OR10G7: variants seen among roughly 807,000 people sequenced by gnomAD.
OR10G7 encodes the protein olfactory receptor 10G7.
For missense variants in OR10G7, 338 were observed against 382.1 expected (o/e 0.88, Z 0.96); for synonymous variants, 165 against 167.4 (o/e 0.99, Z 0.11).
In OR10G7 at chr11:124,037,410, T is replaced by C. The variant is rs559642776; in HGVS notation, c.*656A>G. On this transcript the variant is annotated 3_prime_UTR_variant, in exon 2 of 2. Coordinates refer to ENST00000641585, the MANE Select transcript of OR10G7 (RefSeq NM_001004463.2). ...GATAAGAGATTGGCAGCTCCACAAA[T>C]ATGGAAGGAAAGTCTAGATAGTTGT... 2.4e-4 allele frequency: 36 copies of C among 151,770 alleles called. No homozygotes were observed. Among genetic ancestry groups the C allele is most frequent in the African/African-American group, 8.5e-4 (35 of 41,086 alleles). 9.4% of individuals were successfully genotyped at this position (151,770 alleles called of 1,614,324 possible). A position where few individuals can be genotyped will look rare whatever the true frequency, so the allele number is the denominator to read the frequency against.
Position 124,038,080 on chromosome 11 carries a change from C to G in OR10G7, c.922G>C (p.Ala308Pro), listed in dbSNP as rs1299580339. Residue 308 changes from alanine (A) to proline (P), a missense_variant, in exon 2 of 2, where the codon GCT becomes CCT. Physicochemically the swap from Ala to Pro is conservative, Grantham distance 27. Coordinates refer to ENST00000641585, the MANE Select transcript of OR10G7 (RefSeq NM_001004463.2). Reference protein sequence around the residue: ...LLKLKNGSVFAQGE With the variant: ...LLKLKNGSVFPQGE ...GCCTTTCTTAACTATTCACCCTGAG[C>G]AAATACTGACCCATTTTTCAGCTTC... 2 of 1,610,840 alleles carry G rather than the reference C, an allele frequency of 1.2e-6. No homozygotes were observed. Among genetic ancestry groups the G allele is most frequent in the African/African-American group, 2.7e-5 (2 of 74,564 alleles).
chr11:124,036,145 T>TGC lies in OR10G7; in HGVS notation c.*1919_*1920dup. ...CAGTTGTGATATTGCACTACAATTT[T>TGC]GCTAACTGTTACCATTGGGGGAAAC... On this transcript the variant is annotated 3_prime_UTR_variant, in exon 2 of 2. Transcript: ENST00000641585. The TGC allele has an allele frequency of 6.6e-6, 1 of 152,356 alleles. No homozygotes were observed. Among genetic ancestry groups the TGC allele is most frequent in the Non-Finnish European group, 1.5e-5 (1 of 68,034 alleles). 9.4% of individuals were successfully genotyped at this position (152,356 alleles called of 1,614,324 possible). A position where few individuals can be genotyped will look rare whatever the true frequency, so the allele number is the denominator to read the frequency against.
chr11:124,040,319 A>T (rs1381248607), intron 1 of OR10G7, among the ~76,000 whole-genome samples: 1 of 152,052 alleles, frequency 6.6e-6, no homozygotes, highest in Non-Finnish European at 1.5e-5. Context: ...TTCTAAAAAT[A>T]AAAAAAGTCT....
In OR10G7 at chr11:124,036,401, A is replaced by G. The variant is rs562423933; in HGVS notation, c.*1665T>C. On this transcript the variant is annotated 3_prime_UTR_variant, in exon 2 of 2. Coordinates refer to ENST00000641585, the MANE Select transcript of OR10G7 (RefSeq NM_001004463.2). ...ATAATGAATCTCTCCTTGGGCATCC[A>G]TTGCACTTACAACAATGTAACCTGG... 4 of 152,328 alleles carry G rather than the reference A, an allele frequency of 2.6e-5. No homozygotes were observed. The South Asian group carries it at 8.3e-4, about 32-fold the overall frequency. The allele number at this position is 152,328 out of a possible 1,614,324, so 9.4% of individuals were successfully genotyped here. A position where few individuals can be genotyped will look rare whatever the true frequency, so the allele number is the denominator to read the frequency against.
intron 1 of OR10G7, among the ~76,000 whole-genome samples, chr11:124,040,095 A>G (rs943813799): frequency 3.3e-5 from 5 of 152,052 alleles, no homozygotes; most frequent in Non-Finnish European, 7.4e-5. Flanking sequence ...GTCTCTTTCT[A>G]TTTATACATT....
Position 124,037,108 on chromosome 11 carries a change from T to C in OR10G7, c.*958A>G. On this transcript the variant is annotated 3_prime_UTR_variant, in exon 2 of 2. Coordinates refer to ENST00000641585, the MANE Select transcript of OR10G7 (RefSeq NM_001004463.2). ...ATGTATTTATTTGGATGACAGATTATAAGGTTCATGGTCTGAGCCTTACCT... is the reference window on the plus strand; with the variant it reads ...ATGTATTTATTTGGATGACAGATTACAAGGTTCATGGTCTGAGCCTTACCT... The C allele has an allele frequency of 6.6e-6, 1 of 152,236 alleles. No individual in the cohort carries two copies. Among genetic ancestry groups the C allele is most frequent in the East Asian group, 1.9e-4 (1 of 5,198 alleles). The allele number at this position is 152,236 out of a possible 1,614,324, so 9.4% of individuals were successfully genotyped here. A position where few individuals can be genotyped will look rare whatever the true frequency, so the allele number is the denominator to read the frequency against.
Position 124,041,178 on chromosome 11 carries a change from T to C in OR10G7, c.-313A>G, listed in dbSNP as rs1174602414. 7 of 152,176 alleles carry C rather than the reference T, an allele frequency of 4.6e-5. No homozygotes were observed. The highest frequency in any genetic ancestry group is 1.7e-4 in the African/African-American group (7 of 41,400). 9.4% of individuals were successfully genotyped at this position (152,176 alleles called of 1,614,324 possible). On this transcript the variant is annotated 5_prime_UTR_variant, in exon 1 of 2. It adds an upstream start codon to the 5' untranslated region. Coordinates refer to ENST00000641585, the MANE Select transcript of OR10G7 (RefSeq NM_001004463.2). ...ATGGCCATCATTCCATAAACCTTTT[T>C]ATTTAGCCAAAAATCAACTTCCAAA...
rs767584852 is a variant in OR10G7, at chr11:124,037,353, A to T, written c.*713T>A. 4.4e-4 allele frequency: 66 copies of T among 151,480 alleles called. No homozygotes were observed. Among genetic ancestry groups the T allele is most frequent in the Non-Finnish European group, 8.5e-4 (58 of 68,018 alleles). The allele number at this position is 151,480 out of a possible 1,614,324, so 9.4% of individuals were successfully genotyped here. ...CTCTGGTACTTATAAAAATAATTTT[A>T]AAATTGCTGAAAATGGAAACTTGCC... On this transcript the variant is annotated 3_prime_UTR_variant, in exon 2 of 2. Transcript: ENST00000641585.
chr11:124,038,026 A>T lies in OR10G7; in HGVS notation c.*40T>A. Reference sequence around the variant, plus strand: ...ATGTTGAAGGTTTAATTTAATTACAAATAAAAAAAGAAAAGTTAGCCATAT... The same window carrying T: ...ATGTTGAAGGTTTAATTTAATTACATATAAAAAAAGAAAAGTTAGCCATAT... On this transcript the variant is annotated 3_prime_UTR_variant, in exon 2 of 2. Coordinates refer to ENST00000641585, the MANE Select transcript of OR10G7 (RefSeq NM_001004463.2). 1.5e-6 allele frequency: 2 copies of T among 1,364,350 alleles called. No individual in the cohort carries two copies. The highest frequency in any genetic ancestry group is 1.0e-6 in the Non-Finnish European group (1 of 997,262). 84.5% of individuals were successfully genotyped at this position (1,364,350 alleles called of 1,614,324 possible). A position where few individuals can be genotyped will look rare whatever the true frequency, so the allele number is the denominator to read the frequency against.
In OR10G7 at chr11:124,036,700, C is replaced by T. The variant is rs1295887425; in HGVS notation, c.*1366G>A. On this transcript the variant is annotated 3_prime_UTR_variant, in exon 2 of 2. Transcript: ENST00000641585. ...GCTGAATTATATAATTGGTCCATAG[C>T]AATCTGGTTTCTTGGTGTGAAAACC... The T allele has an allele frequency of 6.6e-6, 1 of 152,146 alleles. No homozygotes were observed. Among genetic ancestry groups the T allele is most frequent in the Non-Finnish European group, 1.5e-5 (1 of 68,024 alleles). The allele number at this position is 152,146 out of a possible 1,614,324, so 9.4% of individuals were successfully genotyped here. A position where few individuals can be genotyped will look rare whatever the true frequency, so the allele number is the denominator to read the frequency against.
Position 124,038,179 on chromosome 11 carries a change from A to G in OR10G7, c.823T>C (p.Tyr275His), listed in dbSNP as rs1044988464. The G allele has an allele frequency of 2.5e-6, 4 of 1,614,150 alleles. No individual in the cohort carries two copies. The highest frequency in any genetic ancestry group is 3.4e-6 in the Non-Finnish European group (4 of 1,180,036). Residue 275 changes from tyrosine (Y) to histidine (H), a missense_variant, in exon 2 of 2, where the codon TAC becomes CAC. Transcript: ENST00000641585. Reference sequence around the variant, plus strand: ...TTGAAAAGAGGAGTCAGCGTGGTGTAGAAAACGGCCACAACCCCATGCAAG... The same window carrying G: ...TTGAAAAGAGGAGTCAGCGTGGTGTGGAAAACGGCCACAACCCCATGCAAG... The part of the protein sequence containing the change: ...DALHGVVAVF[Y>H]TTLTPLFNPV...
chr11:124,036,733 T>A lies in OR10G7; in HGVS notation c.*1333A>T, dbSNP rs575379966. 8 of 152,356 alleles carry A rather than the reference T, an allele frequency of 5.3e-5. No homozygotes were observed. The highest frequency in any genetic ancestry group is 1.9e-4 in the African/African-American group (8 of 41,586). The allele number at this position is 152,356 out of a possible 1,614,324, so 9.4% of individuals were successfully genotyped here. On this transcript the variant is annotated 3_prime_UTR_variant, in exon 2 of 2. Transcript: ENST00000641585. Reference sequence around the variant, plus strand: ...TTTCTTGGTGTGAAAACCAAAAATTTACCTCTTATACTGATCATGGTTTAT... The same window carrying A: ...TTTCTTGGTGTGAAAACCAAAAATTAACCTCTTATACTGATCATGGTTTAT...
chr11:124,040,537 C>T (rs755046311), intron 1 of OR10G7, among the ~76,000 whole-genome samples: 51 of 152,176 alleles, frequency 3.4e-4, no homozygotes, highest in Non-Finnish European at 6.8e-4. Flanking sequence ...TTCTAAAATG[C>T]TTCTGTCATA....
In OR10G7 at chr11:124,038,341, C is replaced by T. The variant is rs772586163; in HGVS notation, c.661G>A (p.Val221Ile). 16 of 1,614,116 alleles carry T rather than the reference C, an allele frequency of 9.9e-6. 1 individual carries two copies. The South Asian group carries it at 1.5e-4, about 16-fold the overall frequency. Residue 221 changes from valine (V) to isoleucine (I), a missense_variant, in exon 2 of 2, where the codon GTC (valine) becomes ATC (isoleucine). Coordinates refer to ENST00000641585, the MANE Select transcript of OR10G7 (RefSeq NM_001004463.2). Reference sequence around the variant, plus strand: ...GTGCGGATCCGCAGGATGGAACAGACGATGGACACATAGGACAGCACTATC... The same window carrying T: ...GTGCGGATCCGCAGGATGGAACAGATGATGGACACATAGGACAGCACTATC... Reference protein sequence around the residue: ...VLIVLSYVSIVCSILRIRTSE... With the variant: ...VLIVLSYVSIICSILRIRTSE...
At position 124,038,183 on chromosome 11, in the gene OR10G7, A is replaced by G. The variant is rs895821309; in HGVS notation, c.819T>C (p.Val273=). The G allele has an allele frequency of 6.2e-7, 1 of 1,613,908 alleles. No individual in the cohort carries two copies. The highest frequency in any genetic ancestry group is 1.3e-5 in the African/African-American group (1 of 74,816). Residue 273 remains valine, a synonymous_variant, in exon 2 of 2, where the codon GTT becomes GTC. Transcript: ENST00000641585. ...SRDALHGVVA[V]FYTTLTPLFN... ...AAAGAGGAGTCAGCGTGGTGTAGAAAACGGCCACAACCCCATGCAAGGCGT... is the reference window on the plus strand; with the variant it reads ...AAAGAGGAGTCAGCGTGGTGTAGAAGACGGCCACAACCCCATGCAAGGCGT...
At chr11:124,039,287 G>A (rs1250450613) in intron 1 of OR10G7, among the ~76,000 whole-genome samples, 1 of 152,044 alleles carries the variant, frequency 6.6e-6, no homozygotes, top group Non-Finnish European at 1.5e-5. Context: ...CCTATTTTCT[G>A]TAGAATTGGA....
chr11:124,037,778 A>T lies in OR10G7; in HGVS notation c.*288T>A, dbSNP rs1463217749. ...TGTAAGAACATTATACTGAATAACA[A>T]TTCTGGAAAATATTTATATAAGAAA... is the stretch of plus-strand genomic sequence containing the variant. On this transcript the variant is annotated 3_prime_UTR_variant, in exon 2 of 2. Coordinates refer to ENST00000641585, the MANE Select transcript of OR10G7 (RefSeq NM_001004463.2). The T allele has an allele frequency of 5.5e-6, 1 of 183,064 alleles. No homozygotes were observed. Among genetic ancestry groups the T allele is most frequent in the East Asian group, 1.4e-4 (1 of 7,242 alleles). 11.3% of individuals were successfully genotyped at this position (183,064 alleles called of 1,614,324 possible). A position where few individuals can be genotyped will look rare whatever the true frequency, so the allele number is the denominator to read the frequency against.
At chr11:124,039,828 G>A (rs1864228927) in intron 1 of OR10G7, among the ~76,000 whole-genome samples, 1 of 152,124 alleles carries the variant, frequency 6.6e-6, no homozygotes, top group Non-Finnish European at 1.5e-5. Context: ...GAACCCTATT[G>A]TGAACCGCAC....
chr11:124,036,159 A>G lies in OR10G7; in HGVS notation c.*1907T>C, dbSNP rs904066917. ...CACTACAATTTTGCTAACTGTTACC[A>G]TTGGGGGAAACTGGGCAAGGTATAA... is the stretch of plus-strand genomic sequence containing the variant. On this transcript the variant is annotated 3_prime_UTR_variant, in exon 2 of 2. Transcript: ENST00000641585. 1 of 152,184 alleles carries G rather than the reference A, an allele frequency of 6.6e-6. No individual in the cohort carries two copies. Among genetic ancestry groups the G allele is most frequent in the Admixed American group, 6.5e-5 (1 of 15,286 alleles). The allele number at this position is 152,184 out of a possible 1,614,324, so 9.4% of individuals were successfully genotyped here. A position where few individuals can be genotyped will look rare whatever the true frequency, so the allele number is the denominator to read the frequency against.
Sources: gnomAD v4.1 joint callset for allele counts (sites outside exome capture counted in the v4.1 genomes callset) on GRCh38, gnomAD v4.1.1 for gene constraint, MANE v1.5 for transcripts, NCBI Gene and HGNC (gene_info 2026-07-23, HGNC 2026-07-21) for gene names.